SENP5: variants seen among roughly 807,000 people sequenced by gnomAD.
SENP5 encodes SUMO specific peptidase 5, also known as sentrin-specific protease 5.
In SENP5, 21 loss-of-function variants were observed where a neutral mutation model predicts 74.2. The ratio of observed to expected loss-of-function variants is 0.28; its 90% CI spans 0.20 to 0.41. The LOEUF is 0.41. SENP5 is among the 10% of genes least tolerant of loss of function. SENP5 has a pLI of 1.00. For missense variants in SENP5, 717 were observed against 889.1 expected (o/e 0.81, Z 2.46); for synonymous variants, 311 against 312.7 (o/e 0.99, Z 0.06).
In SENP5 at chr3:196,900,327, C is replaced by T. The variant is rs372612889; in HGVS notation, c.1759-38C>T. 1.7e-5 allele frequency: 27 copies of T among 1,563,600 alleles called. No individual in the cohort carries two copies. The Admixed American group carries it at 2.8e-4, about 16-fold the overall frequency. On this transcript the variant is annotated intron_variant, in intron 4 of 9. Coordinates refer to ENST00000323460, the MANE Select transcript of SENP5 (RefSeq NM_152699.5). ...GTTTTTCTTTCTCCAACTTAACTGG[C>T]AGAGATAGTAAGCTGGTTTTATGTT...
At chr3:196,914,586 A>AAAAAATATATATATAT in intron 6 of SENP5, 6 of 33,492 alleles carry the variant, frequency 1.8e-4, no homozygotes, top group Non-Finnish European at 2.5e-4. Context: ...AAAAAAAAAA[A>AAAAAATATATATATAT]ATATATATAT....
At chr3:196,898,835 T>TC (rs1249663314) in intron 2 of SENP5, among the ~76,000 whole-genome samples, 5 of 152,114 alleles carry the variant, frequency 3.3e-5, no homozygotes, top group African/African-American at 1.2e-4. Context: ...TGCATTCAAT[T>TC]CATTCGATGA....
intron 6 of SENP5, among the ~76,000 whole-genome samples, chr3:196,904,568 A>G (rs1438498981): frequency 6.6e-6 from 1 of 152,010 alleles, no homozygotes; most frequent in Admixed American, 6.6e-5. Context: ...TGGGCGGATC[A>G]CTGAAGGTCA....
At chr3:196,921,634 CAG>C (rs1028968697) in intron 6 of SENP5, among the ~76,000 whole-genome samples, 1 of 151,906 alleles carries the variant, frequency 6.6e-6, no homozygotes, top group African/African-American at 2.4e-5. Flanking sequence ...AAAGGATACT[CAG>C]AATTTTTAAT....
chr3:196,900,477 TG>T, intron 5 of SENP5, 65 bp downstream of exon 5: 1 of 1,369,376 alleles, frequency 7.3e-7, no homozygotes, highest in Non-Finnish European at 1.0e-6. Flanking sequence ...GTAGTTTTTT[TG>T]TTTTTACATT....
intron 6 of SENP5, among the ~76,000 whole-genome samples, chr3:196,917,833 A>G (rs1715444836): frequency 6.6e-6 from 1 of 152,218 alleles, no homozygotes; most frequent in Non-Finnish European, 1.5e-5. Context: ...CTGAAAGGAA[A>G]GGACATGAGT....
At chr3:196,894,369 C>A (rs949736992) in intron 2 of SENP5, among the ~76,000 whole-genome samples, 4 of 151,906 alleles carry the variant, frequency 2.6e-5, no homozygotes, top group African/African-American at 9.7e-5. Flanking sequence ...GTGATCCGCC[C>A]GCCTTATCCT....
intron 6 of SENP5, among the ~76,000 whole-genome samples, chr3:196,909,481 C>G (rs937322319): frequency 6.6e-6 from 1 of 152,204 alleles, no homozygotes; most frequent in Non-Finnish European, 1.5e-5. Flanking sequence ...AGGCCAATAT[C>G]CCTGATGAAC....
In SENP5 at chr3:196,875,843, C is replaced by T. The variant is rs144594071; in HGVS notation, c.-32+7770C>T. Among the ~76,000 whole-genome samples, 169 of 152,238 alleles carry T rather than the reference C, an allele frequency of 1.1e-3. 1 individual carries two copies. Among genetic ancestry groups the T allele is most frequent in the Non-Finnish European group, 9.0e-4 (61 of 68,020 alleles). The stretch of plus-strand genomic sequence containing the variant: ...CTCCCATGCCCAAGCGATCCTTCCA[C>T]CTCACCCTCCTGAGTAGATGGGAAC... On this transcript the variant is annotated intron_variant, in intron 1 of 9. Coordinates refer to ENST00000323460, the MANE Select transcript of SENP5 (RefSeq NM_152699.5).
intron 2 of SENP5, among the ~76,000 whole-genome samples, chr3:196,887,375 T>A (rs1714018353): frequency 6.6e-6 from 1 of 152,072 alleles, no homozygotes; most frequent in Admixed American, 6.6e-5. Flanking sequence ...AGATGGGGTT[T>A]CACCATGTTG....
intron 7 of SENP5, among the ~76,000 whole-genome samples, chr3:196,924,727 C>T (rs150657371): frequency 6.6e-6 from 1 of 152,276 alleles, no homozygotes; most frequent in African/African-American, 2.4e-5. Flanking sequence ...ATATCAGTTC[C>T]ATTTCTTGTT....
Position 196,933,020 on chromosome 3 carries a change from G to C in SENP5, c.*2097G>C, listed in dbSNP as rs1147243. On this transcript the variant is annotated 3_prime_UTR_variant, in exon 10 of 10. Transcript: ENST00000323460. ...ACTAAATGTTGAGTTTGGGTTTTTT[G>C]TTTTTTTTTTTTTTTGAGTCAGAGT... 2.5e-5 allele frequency: 3 copies of C among 121,128 alleles called. No individual in the cohort carries two copies. The highest frequency in any genetic ancestry group is 9.5e-5 in the Admixed American group (1 of 10,526). 7.5% of individuals were successfully genotyped at this position (121,128 alleles called of 1,614,324 possible). A position where few individuals can be genotyped will look rare whatever the true frequency, so the allele number is the denominator to read the frequency against.
chr3:196,891,779 A>G (rs1359636377), intron 2 of SENP5, among the ~76,000 whole-genome samples: 5 of 152,154 alleles, frequency 3.3e-5, no homozygotes, highest in Non-Finnish European at 7.4e-5. Flanking sequence ...ACGCTGGGTG[A>G]CAGCAAGACC....
chr3:196,892,321 A>AT (rs1553821337), intron 2 of SENP5, among the ~76,000 whole-genome samples: 3 of 151,344 alleles, frequency 2.0e-5, no homozygotes, highest in Non-Finnish European at 4.4e-5. Context: ...AATTTTTTGT[A>AT]TTTTTAGTAG....
chr3:196,870,910 C>G (rs540137932), intron 1 of SENP5, among the ~76,000 whole-genome samples: 1 of 151,962 alleles, frequency 6.6e-6, no homozygotes, highest in Non-Finnish European at 1.5e-5. Context: ...GTGGCTCATG[C>G]CTGTAATCCC....
At chr3:196,914,586 A>AAAAAAAAAAAAAAAAATAT in intron 6 of SENP5, 1 of 33,504 alleles carries the variant, frequency 3.0e-5, no homozygotes, top group Non-Finnish European at 5.1e-5. Context: ...AAAAAAAAAA[A>AAAAAAAAAAAAAAAAATAT]ATATATATAT....
chr3:196,892,910 T>C (rs1410147023), intron 2 of SENP5, among the ~76,000 whole-genome samples: 2 of 152,224 alleles, frequency 1.3e-5, no homozygotes, highest in Non-Finnish European at 2.9e-5. Flanking sequence ...ATTGTGTATA[T>C]ATACTACATT....
In SENP5 at chr3:196,933,020, G is replaced by GTTTTTTTTTTTTT. The variant is rs71161976; in HGVS notation, c.*2100_*2112dup. ...ACTAAATGTTGAGTTTGGGTTTTTT[G>GTTTTTTTTTTTTT]TTTTTTTTTTTTTTTGAGTCAGAGT... On this transcript the variant is annotated 3_prime_UTR_variant, in exon 10 of 10. Transcript: ENST00000323460. 2.5e-5 allele frequency: 3 copies of GTTTTTTTTTTTTT among 121,126 alleles called. No individual in the cohort carries two copies. The highest frequency in any genetic ancestry group is 6.5e-5 in the African/African-American group (2 of 30,774). 7.5% of individuals were successfully genotyped at this position (121,126 alleles called of 1,614,324 possible).
At chr3:196,883,722 CTT>C (rs1053553301) in intron 1 of SENP5, among the ~76,000 whole-genome samples, 1 of 151,630 alleles carries the variant, frequency 6.6e-6, no homozygotes, top group Admixed American at 6.6e-5. Flanking sequence ...GAGCTTCACT[CTT>C]GTCTCCCAGG....
Sources: gnomAD v4.1 joint callset for allele counts (sites outside exome capture counted in the v4.1 genomes callset) on GRCh38, gnomAD v4.1.1 for gene constraint, MANE v1.5 for transcripts, NCBI Gene and HGNC (gene_info 2026-07-23, HGNC 2026-07-21) for gene names.